The following UBE2QL1 variants were observed in gnomAD, a reference collection of about 807,000 sequenced individuals.
UBE2QL1 encodes ubiquitin conjugating enzyme E2 QL1.
In UBE2QL1, 5 loss-of-function variants were observed where a neutral mutation model predicts 12.6. The ratio of observed to expected loss-of-function variants is 0.40; its 90% CI spans 0.21 to 0.83. UBE2QL1 has a LOEUF of 0.83. Ranked by LOEUF, UBE2QL1 falls within the 40% of genes least tolerant of loss-of-function variation. The pLI, the probability that UBE2QL1 is intolerant of heterozygous loss-of-function variation, is 0.37. For missense variants in UBE2QL1, 99 were observed against 222.6 expected, an observed-to-expected ratio of 0.44 and a Z score of 3.53; for synonymous variants, 96 against 94.5, an observed-to-expected ratio of 1.02 and a Z score of -0.10.
rs940352818 is a variant in UBE2QL1, at chr5:6,476,549, C to T, written c.355-14669C>T. Among the ~76,000 whole-genome samples the T allele has an allele frequency of 2.0e-5, 3 of 152,056 alleles. No individual in the cohort carries two copies. Among genetic ancestry groups the T allele is most frequent in the African/African-American group, 7.2e-5 (3 of 41,400 alleles). ...TCAAAACGGAAACACCTGGGGGGCT[C>T]GGTTAAAGAGCCACATGCGGCACCC... On this transcript the variant is annotated intron_variant, in intron 1 of 1. Coordinates refer to ENST00000399816, the MANE Select transcript of UBE2QL1 (RefSeq NM_001145161.3). This position sits in a 1 kb window ranked among gnomAD's most constrained non-coding sequence, Gnocchi z 4.9.
chr5:6,453,985 A>C (rs1579285630), intron 1 of UBE2QL1, among the ~76,000 whole-genome samples: 1 of 151,762 alleles, frequency 6.6e-6, no homozygotes, highest in Non-Finnish European at 1.5e-5. Flanking sequence ...GGCTCAAGCA[A>C]TCCTCCCATC....
At chr5:6,455,990 T>C (rs528289715) in intron 1 of UBE2QL1, among the ~76,000 whole-genome samples, 22 of 152,192 alleles carry the variant, frequency 1.4e-4, no homozygotes, top group Admixed American at 8.5e-4. Context: ...GATGATTCCC[T>C]CCACCCTCGA....
intron 1 of UBE2QL1, among the ~76,000 whole-genome samples, chr5:6,456,990 C>T (rs915525443): frequency 3.3e-5 from 5 of 151,758 alleles, no homozygotes; most frequent in Admixed American, 2.6e-4. Flanking sequence ...GCTCCTGCCT[C>T]GTGGGTGCCT....
intron 1 of UBE2QL1, among the ~76,000 whole-genome samples, chr5:6,471,065 C>G (rs1739903598): frequency 6.6e-6 from 1 of 152,196 alleles, no homozygotes; most frequent in African/African-American, 2.4e-5. Flanking sequence ...ATCTTTCATA[C>G]AGTTGGGTTT....
intron 1 of UBE2QL1, among the ~76,000 whole-genome samples, chr5:6,463,088 T>A (rs1739709896): frequency 6.6e-6 from 1 of 152,236 alleles, no homozygotes; most frequent in South Asian, 2.1e-4. Flanking sequence ...CAGCAAAGAT[T>A]GGTACATTGC....
At position 6,478,890 on chromosome 5, in the gene UBE2QL1, G is replaced by A. The variant is rs1734293198; in HGVS notation, c.355-12328G>A. On this transcript the variant is annotated intron_variant, in intron 1 of 1. Transcript: ENST00000399816. The surrounding 1 kb of genome is among the most constrained non-coding windows in gnomAD (Gnocchi z 4.5). Reference sequence around the variant, plus strand: ...AAGGCAGGAGACATGGAGAGTGGGTGCCCATCGGTGCATCTGATCTCCCTG... The same window carrying A: ...AAGGCAGGAGACATGGAGAGTGGGTACCCATCGGTGCATCTGATCTCCCTG... Among the ~76,000 whole-genome samples, 2 of 152,096 alleles carry A rather than the reference G, an allele frequency of 1.3e-5. No homozygotes were observed. Among genetic ancestry groups the A allele is most frequent in the Admixed American group, 1.3e-4 (2 of 15,272 alleles).
At chr5:6,477,716 C>T (rs1297557456) in intron 1 of UBE2QL1, among the ~76,000 whole-genome samples, 1 of 152,212 alleles carries the variant, frequency 6.6e-6, no homozygotes, top group East Asian at 1.9e-4. Flanking sequence ...GGAGAGGCTG[C>T]AGGCGGGAAT....
At chr5:6,461,946 G>A (rs913489341) in intron 1 of UBE2QL1, among the ~76,000 whole-genome samples, 3 of 152,088 alleles carry the variant, frequency 2.0e-5, no homozygotes, top group African/African-American at 7.2e-5. Flanking sequence ...CTCAGCCCTC[G>A]GCGTCCCCAG....
rs1734283314 is a variant in UBE2QL1 at position 6,478,381 on chromosome 5, T to G, written c.355-12837T>G. 6.6e-6 allele frequency among the ~76,000 whole-genome samples: 1 copy of G among 152,200 alleles called. No individual in the cohort carries two copies. The highest frequency in any genetic ancestry group is 1.5e-5 in the Non-Finnish European group (1 of 68,034). On this transcript the variant is annotated intron_variant, in intron 1 of 1. Transcript: ENST00000399816. The surrounding 1 kb of genome is among the most constrained non-coding windows in gnomAD (Gnocchi z 4.5). ...AACTGCCACCATCAAGCGCAAAGCC[T>G]CCCTGAAGCCACCTCAGCAGTGAAA...
chr5:6,478,906 G>C lies in UBE2QL1; in HGVS notation c.355-12312G>C, dbSNP rs1432487827. Reference sequence around the variant, plus strand: ...AGAGTGGGTGCCCATCGGTGCATCTGATCTCCCTGGCACCCCTCCACTCCC... The same window carrying C: ...AGAGTGGGTGCCCATCGGTGCATCTCATCTCCCTGGCACCCCTCCACTCCC... On this transcript the variant is annotated intron_variant, in intron 1 of 1. Transcript: ENST00000399816. The surrounding 1 kb of genome is among the most constrained non-coding windows in gnomAD (Gnocchi z 4.5). Among the ~76,000 whole-genome samples, 1 of 152,146 alleles carries C rather than the reference G, an allele frequency of 6.6e-6. No homozygotes were observed. Among genetic ancestry groups the C allele is most frequent in the Non-Finnish European group, 1.5e-5 (1 of 68,018 alleles).
At chr5:6,463,973 G>T (rs1294551381) in intron 1 of UBE2QL1, among the ~76,000 whole-genome samples, 1 of 148,912 alleles carries the variant, frequency 6.7e-6, no homozygotes, top group Non-Finnish European at 1.5e-5. Context: ...TATTCTAAGA[G>T]ATTTTTTTTT....
At chr5:6,463,626 TTATTATTATTATTA>T (rs1739722035) in intron 1 of UBE2QL1, among the ~76,000 whole-genome samples, 1 of 146,358 alleles carries the variant, frequency 6.8e-6, no homozygotes, top group African/African-American at 2.5e-5. Context: ...ATTATTATTA[TTATTATTATTATTA>T]TTTTTGATGC....
At chr5:6,462,156 C>G (rs1739684009) in intron 1 of UBE2QL1, among the ~76,000 whole-genome samples, 1 of 152,124 alleles carries the variant, frequency 6.6e-6, no homozygotes, top group Non-Finnish European at 1.5e-5. Flanking sequence ...GGGTCTTGGT[C>G]AGGACTCGAC....
At chr5:6,490,398 C>T (rs1006834442) in intron 1 of UBE2QL1, among the ~76,000 whole-genome samples, 19 of 152,200 alleles carry the variant, frequency 1.2e-4, no homozygotes, top group African/African-American at 4.6e-4. Flanking sequence ...CCGTCTTGTG[C>T]CGTCATAAGA....
chr5:6,450,581 A>G (rs942818216), intron 1 of UBE2QL1, among the ~76,000 whole-genome samples: 3 of 152,246 alleles, frequency 2.0e-5, no homozygotes, highest in African/African-American at 7.2e-5. Context: ...GCGGCCTATC[A>G]GAAGCCATCA....
chr5:6,449,117 G>T lies in UBE2QL1; in HGVS notation c.224G>T (p.Arg75Leu), dbSNP rs1258952482. Residue 75 changes from arginine (R) to leucine (L), a missense_variant, in exon 1 of 2, where the codon CGC becomes CTC. Coordinates refer to ENST00000399816, the MANE Select transcript of UBE2QL1 (RefSeq NM_001145161.3). ...SPPFMRVLSP[R>L]LENGYVLDGG... ...CCCTTCATGCGGGTGCTCAGCCCGC[G>T]CCTGGAGAACGGCTACGTGCTGGAC... 6.5e-7 allele frequency: 1 copy of T among 1,547,194 alleles called. No individual in the cohort carries two copies. Among genetic ancestry groups the T allele is most frequent in the South Asian group, 1.2e-5 (1 of 83,134 alleles).
intron 1 of UBE2QL1, among the ~76,000 whole-genome samples, chr5:6,451,520 G>C (rs865877375): frequency 2.1e-4 from 32 of 152,132 alleles, no homozygotes; most frequent in Non-Finnish European, 1.8e-4. Context: ...AATCCTAACT[G>C]AACCCATTGC....
intron 1 of UBE2QL1, among the ~76,000 whole-genome samples, chr5:6,465,620 G>A (rs1739770202): frequency 6.6e-6 from 1 of 152,154 alleles, no homozygotes; most frequent in South Asian, 2.1e-4. Context: ...GACTCTTGGG[G>A]GGGCTCTGGG....
chr5:6,493,769 T>C lies in UBE2QL1; in HGVS notation c.*2420T>C, dbSNP rs1734620810. On this transcript the variant is annotated 3_prime_UTR_variant, in exon 2 of 2. Transcript: ENST00000399816. ...GACTGTTAGGAGTGCGGACTCCCTT[T>C]CTGGTAGACTCCCTTCGTAGGCAAG... 6.6e-6 allele frequency: 1 copy of C among 152,236 alleles called. No individual in the cohort carries two copies. Among genetic ancestry groups the C allele is most frequent in the East Asian group, 1.9e-4 (1 of 5,198 alleles). 9.4% of individuals were successfully genotyped at this position (152,236 alleles called of 1,614,324 possible). A position where few individuals can be genotyped will look rare whatever the true frequency, so the allele number is the denominator to read the frequency against.
Sources: allele counts gnomAD v4.1 joint callset (sites outside exome capture counted in the v4.1 genomes callset), GRCh38; gene constraint gnomAD v4.1.1; non-coding constraint Gnocchi (gnomAD v3.1); transcripts MANE v1.5; gene names NCBI Gene and HGNC (gene_info 2026-07-23, HGNC 2026-07-21).